Variants in OLA1 observed in about 807,000 individuals in gnomAD.
OLA1 encodes Obg like ATPase 1.
Under a neutral mutation model 48.4 loss-of-function variants are expected in OLA1, and 14 were observed. The ratio of observed to expected loss-of-function variants is 0.29; its 90% CI spans 0.19 to 0.45. OLA1 has a LOEUF of 0.45. Ranked by LOEUF, OLA1 falls within the 20% of genes least tolerant of loss-of-function variation. OLA1 has a pLI of 1.00. For synonymous variants in OLA1, 127 were observed against 150.4 expected (o/e 0.84, Z 1.14); for missense variants, 325 against 467.1 (o/e 0.70, Z 2.80).
chr2:174,233,190 T>C (rs538936106), intron 2 of OLA1, among the ~76,000 whole-genome samples: 1 of 152,170 alleles, frequency 6.6e-6, no homozygotes. Flanking sequence ...GTCAAAATCA[T>C]GGAAACAGTA....
rs562462303 is a variant in OLA1, at chr2:174,135,319, A to G, written c.549+6506T>C. Among the ~76,000 whole-genome samples, 91 of 152,274 alleles carry G rather than the reference A, an allele frequency of 6.0e-4. 1 individual carries two copies. Among genetic ancestry groups the G allele is most frequent in the Non-Finnish European group, 1.1e-3 (76 of 68,010 alleles). On this transcript the variant is annotated intron_variant, in intron 5 of 10. Transcript: ENST00000284719. ...GTAAGCCAGGCAAACCCAAATCACA[A>G]AGAACTTTGTGAGCCATGGCCTTTA...
intron 7 of OLA1, among the ~76,000 whole-genome samples, chr2:174,118,073 G>A (rs1685825846): frequency 6.6e-6 from 1 of 152,130 alleles, no homozygotes; most frequent in Admixed American, 6.6e-5. Context: ...AGCCGGAGAA[G>A]GAGGAAGAGA....
chr2:174,074,460 G>A lies in OLA1; in HGVS notation c.*966C>T, dbSNP rs1684679286. ...CTTAACTTACCCATACTACCACTTCGACTGCTCTCAAATATCTGAAAAGTA... is the reference window on the plus strand; with the variant it reads ...CTTAACTTACCCATACTACCACTTCAACTGCTCTCAAATATCTGAAAAGTA... On this transcript the variant is annotated 3_prime_UTR_variant, in exon 11 of 11. Coordinates refer to ENST00000284719, the MANE Select transcript of OLA1 (RefSeq NM_013341.5). The A allele has an allele frequency of 8.4e-6, 1 of 118,796 alleles. No individual in the cohort carries two copies. Among genetic ancestry groups the A allele is most frequent in the Non-Finnish European group, 2.0e-5 (1 of 49,194 alleles). 7.4% of individuals were successfully genotyped at this position (118,796 alleles called of 1,614,324 possible). A position where few individuals can be genotyped will look rare whatever the true frequency, so the allele number is the denominator to read the frequency against.
intron 4 of OLA1, among the ~76,000 whole-genome samples, chr2:174,205,064 T>A (rs1235526521): frequency 3.3e-5 from 5 of 152,210 alleles, no homozygotes; most frequent in Non-Finnish European, 4.4e-5. Flanking sequence ...GTGTTAAGAT[T>A]GTGGTTCTAC....
intron 7 of OLA1, among the ~76,000 whole-genome samples, chr2:174,099,303 G>A (rs1229096801): frequency 6.6e-6 from 1 of 151,920 alleles, no homozygotes; most frequent in Admixed American, 6.6e-5. Flanking sequence ...CTACAGGTGC[G>A]TGCCACCACG....
Position 174,141,907 on chromosome 2 carries a change from T to A in OLA1, c.467A>T (p.Asp156Val), listed in dbSNP as rs753277251. Reference sequence around the variant, plus strand: ...TATAATGGGCCCAATCATTTCCTCATCTTTAAGCTGAAGCTCTTCATGTAT... The same window carrying A: ...TATAATGGGCCCAATCATTTCCTCAACTTTAAGCTGAAGCTCTTCATGTAT... ...EIIHEELQLK[D>V]EEMIGPIIDK... Residue 156 changes from aspartate to valine, a missense_variant, in exon 5 of 11, where the codon GAT becomes GTT. Physicochemically the swap from Asp to Val is radical, Grantham distance 152. Transcript: ENST00000284719. 1 of 1,612,750 alleles carries A rather than the reference T, an allele frequency of 6.2e-7. No individual in the cohort carries two copies. The highest frequency in any genetic ancestry group is 1.1e-5 in the South Asian group (1 of 90,996).
At chr2:174,227,480 G>T (rs936858118) in intron 3 of OLA1, among the ~76,000 whole-genome samples, 4 of 152,100 alleles carry the variant, frequency 2.6e-5, no homozygotes, top group African/African-American at 7.2e-5. Context: ...CTAAAGAACC[G>T]AAGTATAATA....
chr2:174,082,686 A>G (rs927241944), intron 7 of OLA1, among the ~76,000 whole-genome samples: 1 of 152,196 alleles, frequency 6.6e-6, no homozygotes, highest in African/African-American at 2.4e-5. Flanking sequence ...TGTGAGAACA[A>G]GAATAATAGA....
rs1684810147 is a variant in OLA1, at chr2:174,079,168, C to A, written c.967-78G>T. 4 of 1,294,748 alleles carry A rather than the reference C, an allele frequency of 3.1e-6. No individual in the cohort carries two copies. In the African/African-American group the frequency reaches 4.5e-5, roughly 15 times the overall value. 80.2% of individuals were successfully genotyped at this position (1,294,748 alleles called of 1,614,324 possible). On this transcript the variant is annotated intron_variant, in intron 9 of 10. Coordinates refer to ENST00000284719, the MANE Select transcript of OLA1 (RefSeq NM_013341.5). The stretch of plus-strand genomic sequence containing the variant: ...AAGCACAGAGTTTCTTTTCTCTGAT[C>A]TGCAGTTGGGCTCAACTAGAACTTA...
At chr2:174,114,172 C>CAAAAAAAAAAA (rs33971592) in intron 7 of OLA1, among the ~76,000 whole-genome samples, 3 of 78,162 alleles carry the variant, frequency 3.8e-5, no homozygotes, top group South Asian at 5.0e-4. Context: ...ACTAAAAATA[C>CAAAAAAAAAAA]AAAAAAAAAA....
intron 4 of OLA1, among the ~76,000 whole-genome samples, chr2:174,175,818 T>G (rs148139625): frequency 6.6e-6 from 1 of 152,054 alleles, no homozygotes; most frequent in African/African-American, 2.4e-5. Context: ...CACCAGTTAA[T>G]GAATGGATAA....
chr2:174,124,695 C>T (rs928609807), intron 5 of OLA1, among the ~76,000 whole-genome samples: 1 of 152,142 alleles, frequency 6.6e-6, no homozygotes, highest in African/African-American at 2.4e-5. Context: ...TTTAAATATG[C>T]ATTTCTCAAA....
chr2:174,132,689 T>C (rs1419408688), intron 5 of OLA1, among the ~76,000 whole-genome samples: 3 of 152,186 alleles, frequency 2.0e-5, no homozygotes, highest in African/African-American at 7.2e-5. Context: ...AATTCCATAG[T>C]GTTCAGGTAA....
intron 1 of OLA1, 113 bp from the exon 2 acceptor site, chr2:174,246,928 T>C (rs1016124378): frequency 3.6e-6 from 2 of 553,838 alleles, no homozygotes; most frequent in African/African-American, 1.9e-5. Context: ...CAAAACATAC[T>C]GTATATAGCG....
chr2:174,099,855 G>A (rs1685352010), intron 7 of OLA1, among the ~76,000 whole-genome samples: 1 of 152,148 alleles, frequency 6.6e-6, no homozygotes, highest in South Asian at 2.1e-4. Flanking sequence ...TTTGTTCCCA[G>A]TGGAGACACA....
At chr2:174,164,568 T>C (rs570423740) in intron 4 of OLA1, among the ~76,000 whole-genome samples, 120 of 152,280 alleles carry the variant, frequency 7.9e-4, no homozygotes, top group African/African-American at 2.8e-3. Flanking sequence ...ATTACCAAGA[T>C]GAGATAAATG....
At chr2:174,076,165 T>C (rs1289773675) in intron 10 of OLA1, among the ~76,000 whole-genome samples, 2 of 152,202 alleles carry the variant, frequency 1.3e-5, no homozygotes, top group African/African-American at 4.8e-5. Context: ...CAGATATTTC[T>C]TCCACTTGTA....
At chr2:174,168,284 G>A (rs376233327) in intron 4 of OLA1, among the ~76,000 whole-genome samples, 2 of 152,222 alleles carry the variant, frequency 1.3e-5, no homozygotes, top group South Asian at 4.1e-4. Flanking sequence ...ATAGGGAGGG[G>A]AGACTCAAAG....
At chr2:174,228,516 A>G (rs1285975058) in intron 3 of OLA1, among the ~76,000 whole-genome samples, 3 of 152,174 alleles carry the variant, frequency 2.0e-5, no homozygotes, top group African/African-American at 7.2e-5. Flanking sequence ...CACCCCTCTC[A>G]TTATATATTT....
Sources: allele counts gnomAD v4.1 joint callset (sites outside exome capture counted in the v4.1 genomes callset), GRCh38; gene constraint gnomAD v4.1.1; transcripts MANE v1.5; gene names NCBI Gene and HGNC (gene_info 2026-07-23, HGNC 2026-07-21).